The following PHKA1 variants were observed in gnomAD, a reference collection of about 807,000 sequenced individuals.
PHKA1 encodes the protein phosphorylase kinase regulatory subunit alpha 1.
In PHKA1, 60 loss-of-function variants were observed where a neutral mutation model predicts 110.2. The observed-to-expected ratio is 0.54, with a 90% CI of 0.44 to 0.68. The LOEUF (loss-of-function observed/expected upper bound fraction) is 0.68, where lower values mean the gene tolerates loss of function less well. PHKA1 is among the 30% of genes least tolerant of loss of function. PHKA1 has a pLI of 0.00. For synonymous variants in PHKA1, 316 were observed against 333.6 expected, an observed-to-expected ratio of 0.95 and a Z score of 0.58; for missense variants, 801 against 942.5, an observed-to-expected ratio of 0.85 and a Z score of 1.97.
intron 22 of PHKA1, among the ~76,000 whole-genome samples, chrX:72,610,546 T>C (rs1556258719): frequency 8.9e-6 from 1 of 112,157 alleles, no homozygotes; most frequent in African/African-American, 3.2e-5. Context: ...GTTTATTCCA[T>C]ACCTTTGCTA....
chrX:72,602,392 T>C (rs1342669346), intron 26 of PHKA1, 119 bp from the exon 27 acceptor site: 8 of 506,554 alleles, frequency 1.6e-5, no homozygotes, highest in Non-Finnish European at 2.8e-5. Flanking sequence ...TTAAAAACTA[T>C]AACCTTGCTA....
intron 29 of PHKA1, among the ~76,000 whole-genome samples, chrX:72,587,293 A>G (rs1175142748): frequency 1.8e-5 from 2 of 111,776 alleles, no homozygotes; most frequent in Non-Finnish European, 3.8e-5. Flanking sequence ...ATTCTTAAAG[A>G]AAAGAAATTT....
intron 4 of PHKA1, among the ~76,000 whole-genome samples, chrX:72,685,531 TAATA>T (rs1270320937): frequency 6.2e-5 from 7 of 112,077 alleles, no homozygotes; most frequent in East Asian, 2.8e-4. Flanking sequence ...AGCAAAATCA[TAATA>T]AATCAGAAAA....
intron 21 of PHKA1, among the ~76,000 whole-genome samples, chrX:72,613,551 A>T (rs1293621751): frequency 1.8e-5 from 2 of 112,110 alleles, no homozygotes; most frequent in Non-Finnish European, 3.8e-5. Context: ...ATATTAAATT[A>T]AAAAACATGA....
At chrX:72,634,566 CAAAA>C (rs782406506) in intron 16 of PHKA1, among the ~76,000 whole-genome samples, 1 of 50,412 alleles carries the variant, frequency 2.0e-5, no homozygotes. Context: ...GAAATCCAGT[CAAAA>C]AAAAAAAAAA....
intron 4 of PHKA1, among the ~76,000 whole-genome samples, chrX:72,690,057 T>C (rs1208800791): frequency 8.9e-6 from 1 of 111,993 alleles, no homozygotes; most frequent in African/African-American, 3.2e-5. Flanking sequence ...TTTAATTAGG[T>C]TATTTATCTT....
intron 2 of PHKA1, among the ~76,000 whole-genome samples, chrX:72,707,455 A>ACTCTCAAAAGGCTTATCAAAAAATCG (rs2054303383): frequency 1.8e-5 from 2 of 111,626 alleles, no homozygotes; most frequent in African/African-American, 6.5e-5. Flanking sequence ...ACCTATCTTA[A>ACTCTCAAAAGGCTTATCAAAAAATCG]TGTACTGTAA....
At chrX:72,628,599 T>A (rs201817559) in intron 16 of PHKA1, among the ~76,000 whole-genome samples, 5,576 of 103,986 alleles carry the variant, frequency 0.054, 312 homozygotes, top group African/African-American at 0.17. Flanking sequence ...TATATATATT[T>A]TTTTTTTTCA....
intron 28 of PHKA1, among the ~76,000 whole-genome samples, chrX:72,598,354 G>T (rs1556237175): frequency 9.0e-6 from 1 of 111,158 alleles, no homozygotes; most frequent in East Asian, 2.8e-4. Flanking sequence ...AAAGACAATT[G>T]TAAGGGTTGG....
chrX:72,610,314 T>C (rs2052789705), intron 22 of PHKA1, among the ~76,000 whole-genome samples: 1 of 111,397 alleles, frequency 9.0e-6, no homozygotes, highest in South Asian at 3.8e-4. Context: ...ATCATTCTAC[T>C]CTCTACCTCT....
chrX:72,670,092 A>C (rs1358058546), intron 6 of PHKA1, among the ~76,000 whole-genome samples: 1 of 111,800 alleles, frequency 8.9e-6, no homozygotes, highest in Non-Finnish European at 1.9e-5. Context: ...GTGAGATGGT[A>C]TCTCGTTGTG....
chrX:72,680,015 T>G, intron 5 of PHKA1, among the ~76,000 whole-genome samples: 1 of 105,365 alleles, frequency 9.5e-6, no homozygotes, highest in African/African-American at 3.5e-5. Context: ...AAAAGAAACT[T>G]TTTTTTTTTT....
chrX:72,659,401 T>C (rs782073951), intron 8 of PHKA1, among the ~76,000 whole-genome samples: 1 of 111,283 alleles, frequency 9.0e-6, no homozygotes, highest in African/African-American at 3.3e-5. Context: ...AGTCCTTTCA[T>C]TGAGAATGAC....
In PHKA1 at chrX:72,579,496, T is replaced by C. The variant is rs1468049766; in HGVS notation, c.*1506A>G. 1.8e-5 allele frequency: 2 copies of C among 111,514 alleles called. No individual in the cohort carries two copies. The highest frequency in any genetic ancestry group is 6.5e-5 in the African/African-American group (2 of 30,625). 9.2% of individuals were successfully genotyped at this position (111,514 alleles called of 1,213,427 possible). ...CAAAAAGGGAAGTTAACAGAGTCTC[T>C]GCACAATTCAGAAGAAGGAGAGTTA... is the stretch of plus-strand genomic sequence containing the variant. On this transcript the variant is annotated 3_prime_UTR_variant, in exon 32 of 32. Transcript: ENST00000373542.
chrX:72,626,832 C>T lies in PHKA1; in HGVS notation c.1793+139G>A, dbSNP rs111256099. On this transcript the variant is annotated intron_variant, in intron 17 of 31. Coordinates refer to ENST00000373542, the MANE Select transcript of PHKA1 (RefSeq NM_002637.4). ...CTATTTGCAGACTACAGGTTGACCA[C>T]GGGTAACTGAAATATCGGAGTCAAA... is the stretch of plus-strand genomic sequence containing the variant. The T allele has an allele frequency of 1.6e-3, 846 of 532,457 alleles. 3 individuals are homozygous for T. The highest frequency in any genetic ancestry group is 3.9e-3 in the South Asian group (150 of 38,649). The allele number at this position is 532,457 out of a possible 1,213,427, so 43.9% of individuals were successfully genotyped here.
At chrX:72,648,119 T>C (rs1346441147) in intron 13 of PHKA1, among the ~76,000 whole-genome samples, 4 of 110,937 alleles carry the variant, frequency 3.6e-5, no homozygotes, top group Non-Finnish European at 7.6e-5. Flanking sequence ...AGCTATATAG[T>C]GTAACTAGAG....
intron 28 of PHKA1, among the ~76,000 whole-genome samples, chrX:72,595,559 A>G (rs1405875651): frequency 8.9e-6 from 1 of 112,473 alleles, no homozygotes; most frequent in Non-Finnish European, 1.9e-5. Context: ...TTCACTAACA[A>G]GCAACTACAA....
intron 13 of PHKA1, among the ~76,000 whole-genome samples, chrX:72,646,903 G>T (rs111410039): frequency 1.5e-3 from 165 of 110,844 alleles, no homozygotes; most frequent in African/African-American, 5.2e-3. Context: ...GGCAGAGGTG[G>T]GTGGATCACC....
intron 29 of PHKA1, among the ~76,000 whole-genome samples, chrX:72,588,641 T>C (rs1048148057): frequency 4.5e-5 from 5 of 111,425 alleles, no homozygotes; most frequent in Admixed American, 1.9e-4. Flanking sequence ...ATCCAGGAGC[T>C]GGTTTTTTGA....
Sources: allele counts gnomAD v4.1 joint callset (sites outside exome capture counted in the v4.1 genomes callset), GRCh38; gene constraint gnomAD v4.1.1; transcripts MANE v1.5; gene names NCBI Gene and HGNC (gene_info 2026-07-23, HGNC 2026-07-21).